Variants in RBM14 observed in about 807,000 individuals in gnomAD.
RBM14 encodes RNA binding motif protein 14, also known as RNA-binding protein 14.
Under a neutral mutation model 52.8 loss-of-function variants are expected in RBM14, and 5 were observed. The observed-to-expected ratio is 0.09, with a 90% CI of 0.05 to 0.20. The LOEUF (loss-of-function observed/expected upper bound fraction) is 0.20, where lower values mean the gene tolerates loss of function less well. RBM14 is among the 10% of genes least tolerant of loss of function. The pLI is 1.00. For synonymous variants in RBM14, 411 were observed against 401.8 expected (o/e 1.02, Z -0.28); for missense variants, 780 against 926.6 (o/e 0.84, Z 2.05).
chr11:66,624,402 C>T lies in RBM14; in HGVS notation c.526C>T (p.Pro176Ser), dbSNP rs1937688376. The T allele has an allele frequency of 6.2e-7, 1 of 1,614,160 alleles. No homozygotes were observed. ...ACCAGGGGCTGGGGATACGGCCTTC[C>T]CTGGAACTGGTGGCTTCTCTGCCAC... is the stretch of plus-strand genomic sequence containing the variant. ...KKPGAGDTAF[P>S]GTGGFSATFD... Residue 176 changes from proline to serine, a missense_variant, in exon 2 of 3, where the codon CCT (proline) becomes TCT (serine). Around this residue, in one of 4 missense-constraint regions of RBM14, gnomAD observed 675 missense variants for 697.3 expected, o/e 0.97. Transcript: ENST00000310137. The surrounding 1 kb of genome is among the most constrained non-coding windows in gnomAD (Gnocchi z 4.7).
chr11:66,617,288 C>T (rs1214587070), intron 1 of RBM14: 2 of 1,327,316 alleles, frequency 1.5e-6, no homozygotes, highest in African/African-American at 1.5e-5. Flanking sequence ...GCGGCCACTG[C>T]GAGCCAAGCT....
At chr11:66,623,863 C>T (rs768265656) in intron 1 of RBM14, 13 of 717,174 alleles carry the variant, frequency 1.8e-5, no homozygotes, top group East Asian at 5.4e-5. Context: ...GATCTAGGAA[C>T]GCTTTCTGCA....
In RBM14 at chr11:66,626,471, G is replaced by A. The variant is rs370638601; in HGVS notation, c.1813G>A (p.Asp605Asn). The change falls in exon 3 of 3, where the codon GAC becomes AAC. Residue 605 changes from aspartate to asparagine, a missense_variant. Asp to Asn is a conservative substitution (Grantham distance 23, BLOSUM62 1). Around this residue, in one of 4 missense-constraint regions of RBM14, gnomAD observed 675 missense variants for 697.3 expected, o/e 0.97. Coordinates refer to ENST00000310137, the MANE Select transcript of RBM14 (RefSeq NM_006328.4). ...TCTTCTCTCGACTAGGTATGGTTCC[G>A]ACCGGCGTTTAGCCGAGCTCTCTGA... Reference protein sequence around the residue: ...AVAMSKRYGSDRRLAELSDYR... With the variant: ...AVAMSKRYGSNRRLAELSDYR... The A allele has an allele frequency of 1.2e-5, 20 of 1,612,916 alleles. No homozygotes were observed. Among genetic ancestry groups the A allele is most frequent in the African/African-American group, 4.0e-5 (3 of 74,912 alleles).
At chr11:66,622,776 T>C (rs1047899254) in intron 1 of RBM14, among the ~76,000 whole-genome samples, 1 of 152,136 alleles carries the variant, frequency 6.6e-6, no homozygotes, top group Non-Finnish European at 1.5e-5. Flanking sequence ...GGACCCTTGT[T>C]TGGAGGTTAT....
rs1332747099 is a variant in RBM14, at chr11:66,624,686, A to G, written c.810A>G (p.Ala270=). 6.2e-7 allele frequency: 1 copy of G among 1,613,590 alleles called. No homozygotes were observed. The highest frequency in any genetic ancestry group is 1.7e-5 in the Admixed American group (1 of 60,014). The change falls in exon 2 of 3, where the codon GCA becomes GCG. Residue 270 remains alanine (A), a synonymous_variant. Transcript: ENST00000310137. This position sits in a 1 kb window ranked among gnomAD's most constrained non-coding sequence, Gnocchi z 4.7. ...GYRTQPMTAQ[A]ASYRAQPSVS... ...GGACTCAGCCCATGACAGCCCAGGC[A>G]GCCTCTTACCGCGCTCAGCCCTCTG...
intron 1 of RBM14, among the ~76,000 whole-genome samples, chr11:66,619,953 C>T (rs1859028844): frequency 6.6e-6 from 1 of 152,238 alleles, no homozygotes; most frequent in African/African-American, 2.4e-5. Context: ...TGTGATGCCA[C>T]CAGACCATTT....
intron 1 of RBM14, among the ~76,000 whole-genome samples, chr11:66,620,097 T>TGG (rs1342034849): frequency 6.6e-6 from 1 of 152,148 alleles, no homozygotes; most frequent in Non-Finnish European, 1.5e-5. Flanking sequence ...TAGGAGTACT[T>TGG]GGGTGTTAGG....
In RBM14 at chr11:66,629,208, G is replaced by A. The variant is rs960206273; in HGVS notation, c.*2540G>A. Among the ~76,000 whole-genome samples, 1 of 152,168 alleles carries A rather than the reference G, an allele frequency of 6.6e-6. No homozygotes were observed. The highest frequency in any genetic ancestry group is 1.5e-5 in the Non-Finnish European group (1 of 68,032). ...GAAAGTTAGGTTGAGTGAATGGGAG[G>A]ACAGACACTGAATGTGTGTTTTGGA... On this transcript the variant is annotated 3_prime_UTR_variant, in exon 3 of 3. Coordinates refer to ENST00000310137, the MANE Select transcript of RBM14 (RefSeq NM_006328.4).
chr11:66,624,455 C>G lies in RBM14; in HGVS notation c.579C>G (p.Asn193Lys). Residue 193 changes from asparagine to lysine, a missense_variant, in exon 2 of 3, where the codon AAC becomes AAG. Asn to Lys is a moderately conservative substitution (Grantham distance 94). Coordinates refer to ENST00000310137, the MANE Select transcript of RBM14 (RefSeq NM_006328.4). The surrounding 1 kb of genome is among the most constrained non-coding windows in gnomAD (Gnocchi z 4.7). ...TCGACTACCAGCAGGCTTTTGGCAA[C>G]AGCACTGGTGGCTTTGATGGGCAAG... ...ATFDYQQAFG[N>K]STGGFDGQAR... The G allele has an allele frequency of 6.2e-7, 1 of 1,614,116 alleles. No individual in the cohort carries two copies. Among genetic ancestry groups the G allele is most frequent in the South Asian group, 1.1e-5 (1 of 91,086 alleles).
chr11:66,625,933 C>G lies in RBM14; in HGVS notation c.1802+255C>G, dbSNP rs561726917. On this transcript the variant is annotated intron_variant, in intron 2 of 2. Transcript: ENST00000310137. This position sits in a 1 kb window ranked among gnomAD's most constrained non-coding sequence, Gnocchi z 4.2. Reference sequence around the variant, plus strand: ...ACAGTGTCACCTGTCTAGGCTAGCCCAAGTGTCATTGGAGCTACTGCCTGC... The same window carrying G: ...ACAGTGTCACCTGTCTAGGCTAGCCGAAGTGTCATTGGAGCTACTGCCTGC... Among the ~76,000 whole-genome samples, 7 of 152,302 alleles carry G rather than the reference C, an allele frequency of 4.6e-5. No individual in the cohort carries two copies. Among genetic ancestry groups the G allele is most frequent in the Admixed American group, 4.6e-4 (7 of 15,304 alleles).
chr11:66,619,451 G>A (rs1158428017), intron 1 of RBM14: 1 of 152,238 alleles, frequency 6.6e-6, no homozygotes, highest in Non-Finnish European at 1.5e-5. Context: ...AACATGTACA[G>A]ACTTGTGGGG....
In RBM14 at chr11:66,628,982, G is replaced by C. The variant is rs1197284361; in HGVS notation, c.*2314G>C. Among the ~76,000 whole-genome samples, 1 of 152,166 alleles carries C rather than the reference G, an allele frequency of 6.6e-6. No individual in the cohort carries two copies. The highest frequency in any genetic ancestry group is 1.5e-5 in the Non-Finnish European group (1 of 68,024). On this transcript the variant is annotated 3_prime_UTR_variant, in exon 3 of 3. Coordinates refer to ENST00000310137, the MANE Select transcript of RBM14 (RefSeq NM_006328.4). ...TGCCTGCTTGTCATCTTTAGGTCCT[G>C]CTGCCCCTGCTGCCTCAGCCCTCAG... is the stretch of plus-strand genomic sequence containing the variant.
intron 1 of RBM14, among the ~76,000 whole-genome samples, chr11:66,621,529 C>T (rs1358364208): frequency 2.6e-5 from 4 of 152,058 alleles, no homozygotes; most frequent in Non-Finnish European, 5.9e-5. Context: ...AGGCACATGC[C>T]ACCACAGCCG....
In RBM14 at chr11:66,625,075, C is replaced by T. The variant is rs1251148094; in HGVS notation, c.1199C>T (p.Ala400Val). Residue 400 changes from alanine (A) to valine (V), a missense_variant, in exon 2 of 3, where the codon GCT (alanine) becomes GTT (valine). Physicochemically the swap from Ala to Val is moderately conservative, Grantham distance 64. Around this residue, in one of 4 missense-constraint regions of RBM14, gnomAD observed 675 missense variants for 697.3 expected, o/e 0.97. Coordinates refer to ENST00000310137, the MANE Select transcript of RBM14 (RefSeq NM_006328.4). This position sits in a 1 kb window ranked among gnomAD's most constrained non-coding sequence, Gnocchi z 4.2. Reference sequence around the variant, plus strand: ...TCACTAGCTTATGGAGCCCAGGCAGCTTCATATAATGCCCAGCCCTCGGCC... The same window carrying T: ...TCACTAGCTTATGGAGCCCAGGCAGTTTCATATAATGCCCAGCCCTCGGCC... ...ASSLAYGAQA[A>V]SYNAQPSASY... 6.2e-7 allele frequency: 1 copy of T among 1,613,672 alleles called. No individual in the cohort carries two copies. The highest frequency in any genetic ancestry group is 2.2e-5 in the East Asian group (1 of 44,868).
chr11:66,618,655 T>C, intron 1 of RBM14: 1 of 673,624 alleles, frequency 1.5e-6, no homozygotes, highest in Non-Finnish European at 2.7e-6. Context: ...GGTATATGAG[T>C]CTCATTTGTG....
At chr11:66,623,839 C>T in intron 1 of RBM14, 2 of 716,016 alleles carry the variant, frequency 2.8e-6, no homozygotes, top group Non-Finnish European at 5.2e-6. Context: ...GTTGAGAACA[C>T]TGAAGAACTG....
At chr11:66,626,428 C>T (rs557584630) in intron 2 of RBM14, 33 bp from the exon 3 acceptor site, 1 of 1,585,054 alleles carries the variant, frequency 6.3e-7, no homozygotes, top group African/African-American at 1.3e-5. Flanking sequence ...CCTCAATTGT[C>T]TCATTCACCA....
At chr11:66,620,561 C>G (rs1050444835) in intron 1 of RBM14, among the ~76,000 whole-genome samples, 2 of 152,158 alleles carry the variant, frequency 1.3e-5, no homozygotes, top group African/African-American at 4.8e-5. Context: ...CTCGGCCTCC[C>G]AAAGTGTTGG....
At chr11:66,618,389 C>G in intron 1 of RBM14, 1 of 659,776 alleles carries the variant, frequency 1.5e-6, no homozygotes, top group East Asian at 2.8e-5. Flanking sequence ...ATGTTTGGGG[C>G]CATTCCTAGT....
Sources: allele counts gnomAD v4.1 joint callset (sites outside exome capture counted in the v4.1 genomes callset), GRCh38; gene constraint gnomAD v4.1.1; regional missense constraint gnomAD v4.1.1; non-coding constraint Gnocchi (gnomAD v3.1); transcripts MANE v1.5; gene names NCBI Gene and HGNC (gene_info 2026-07-23, HGNC 2026-07-21).